The following ACOT9 variants were observed in gnomAD, a reference collection of about 807,000 sequenced individuals.
The protein encoded by ACOT9 is acyl-CoA thioesterase 9, also known as acyl-coenzyme A thioesterase 9, mitochondrial.
Under a neutral mutation model 39.7 loss-of-function variants are expected in ACOT9, and 34 were observed. The observed-to-expected ratio is 0.86, with a 90% CI of 0.65 to 1.14. ACOT9 has a LOEUF of 1.14. ACOT9 is among the 50% of genes most tolerant of loss of function. The pLI, the probability that ACOT9 is intolerant of heterozygous loss-of-function variation, is 0.00. For missense variants in ACOT9, 313 were observed against 344.1 expected, an observed-to-expected ratio of 0.91 and a Z score of 0.71; for synonymous variants, 110 against 120.5, an observed-to-expected ratio of 0.91 and a Z score of 0.57.
chrX:23,718,643 C>T (rs192113600), intron 8 of ACOT9, among the ~76,000 whole-genome samples: 1 of 111,643 alleles, frequency 9.0e-6, no homozygotes, highest in Non-Finnish European at 1.9e-5. Flanking sequence ...CGGTGGCTCA[C>T]GCCTGTAATC....
At chrX:23,734,860 G>A (rs1929878830) in intron 2 of ACOT9, among the ~76,000 whole-genome samples, 1 of 106,990 alleles carries the variant, frequency 9.3e-6, no homozygotes, top group South Asian at 4.2e-4. Flanking sequence ...GTGGGCACCT[G>A]TAATCCCAGC....
At chrX:23,725,996 C>T (rs1419637106) in intron 6 of ACOT9, among the ~76,000 whole-genome samples, 1 of 109,670 alleles carries the variant, frequency 9.1e-6, no homozygotes, top group African/African-American at 3.3e-5. Flanking sequence ...GTCAGAAGTT[C>T]GAGACCAGCC....
intron 6 of ACOT9, among the ~76,000 whole-genome samples, chrX:23,723,711 T>A (rs1426149585): frequency 9.1e-6 from 1 of 110,015 alleles, no homozygotes; most frequent in Non-Finnish European, 1.9e-5. Flanking sequence ...GATATGTGGC[T>A]CAATAAATAC....
intron 6 of ACOT9, among the ~76,000 whole-genome samples, 176 bp downstream of exon 6, chrX:23,730,351 C>A (rs1231505185): frequency 9.0e-6 from 1 of 111,102 alleles, no homozygotes; most frequent in Non-Finnish European, 1.9e-5. Context: ...CCTCAGCCTC[C>A]CAAAGTGCTG....
At chrX:23,708,621 A>G (rs1183097583) in intron 9 of ACOT9, among the ~76,000 whole-genome samples, 2 of 112,102 alleles carry the variant, frequency 1.8e-5, no homozygotes, top group East Asian at 5.5e-4. Context: ...TGGCAGAGAG[A>G]CTATTCTAAA....
chrX:23,709,522 T>C (rs1928822460), intron 9 of ACOT9, among the ~76,000 whole-genome samples: 1 of 112,511 alleles, frequency 8.9e-6, no homozygotes, highest in African/African-American at 3.2e-5. Flanking sequence ...CCACAGCAGG[T>C]CAGCTGGGGC....
At chrX:23,730,092 A>AATT (rs1929679291) in intron 6 of ACOT9, among the ~76,000 whole-genome samples, 1 of 78,500 alleles carries the variant, frequency 1.3e-5, no homozygotes. Flanking sequence ...AGTAGATGCC[A>AATT]TTTTTTTTTT....
intron 1 of ACOT9, among the ~76,000 whole-genome samples, chrX:23,738,988 T>C (rs1267406573): frequency 8.9e-6 from 1 of 112,413 alleles, no homozygotes; most frequent in Non-Finnish European, 1.9e-5. Flanking sequence ...CTGGGCGCAG[T>C]GGCTCATGCC....
intron 10 of ACOT9, among the ~76,000 whole-genome samples, chrX:23,707,505 A>G (rs1319253516): frequency 9.0e-6 from 1 of 111,674 alleles, no homozygotes; most frequent in African/African-American, 3.3e-5. Flanking sequence ...TTGGGAGGCC[A>G]AGGCAGGCGG....
intron 1 of ACOT9, among the ~76,000 whole-genome samples, chrX:23,742,213 T>TGAGAGAGAGAGA (rs1190609377): frequency 8.7e-5 from 6 of 68,872 alleles, no homozygotes; most frequent in Admixed American, 3.5e-4. Context: ...AGTGAGTGAG[T>TGAGAGAGAGAGA]GAGAGAGAGA....
chrX:23,704,555 G>C, intron 15 of ACOT9, 139 bp downstream of exon 15: 1 of 767,715 alleles, frequency 1.3e-6, no homozygotes, highest in Non-Finnish European at 1.9e-6. Flanking sequence ...CTTCAGGGCT[G>C]CCAAATCTCA....
At chrX:23,721,227 A>T (rs1318916387) in intron 8 of ACOT9, among the ~76,000 whole-genome samples, 2 of 110,379 alleles carry the variant, frequency 1.8e-5, no homozygotes, top group Non-Finnish European at 3.8e-5. Flanking sequence ...AGTAGCTGAG[A>T]TTACAGGCGT....
At chrX:23,721,115 G>A (rs764437730) in intron 8 of ACOT9, among the ~76,000 whole-genome samples, 2 of 109,760 alleles carry the variant, frequency 1.8e-5, no homozygotes, top group Admixed American at 9.9e-5. Context: ...TTTTTGAGAC[G>A]AGTCTCACTC....
intron 8 of ACOT9, among the ~76,000 whole-genome samples, chrX:23,718,903 C>G (rs1411154156): frequency 6.5e-5 from 2 of 30,780 alleles, no homozygotes; most frequent in Non-Finnish European, 1.0e-4. Flanking sequence ...AAGACTCCGT[C>G]TCAAAAAAAA....
At chrX:23,705,956 T>A in intron 11 of ACOT9, 98 bp from the exon 12 acceptor site, 1 of 770,548 alleles carries the variant, frequency 1.3e-6, no homozygotes, top group Non-Finnish European at 2.0e-6. Flanking sequence ...CTCAGACAAC[T>A]GTGGCTCTGG....
intron 1 of ACOT9, among the ~76,000 whole-genome samples, chrX:23,738,147 A>G (rs1209772055): frequency 1.8e-5 from 2 of 109,123 alleles, no homozygotes; most frequent in African/African-American, 3.3e-5. Context: ...GATTACAGGC[A>G]TGAGCCACCG....
chrX:23,734,154 C>A (rs768710420), intron 3 of ACOT9, among the ~76,000 whole-genome samples, 187 bp downstream of exon 3: 1 of 111,961 alleles, frequency 8.9e-6, no homozygotes, highest in Non-Finnish European at 1.9e-5. Flanking sequence ...TAATTAATTT[C>A]TCATATATTT....
At chrX:23,735,240 C>CAAAAA (rs35950361) in intron 2 of ACOT9, among the ~76,000 whole-genome samples, 30 of 29,163 alleles carry the variant, frequency 1.0e-3, no homozygotes, top group East Asian at 1.5e-3. Context: ...GACTCCATCC[C>CAAAAA]AAAAAAAAAA....
At chrX:23,713,105 A>C in intron 9 of ACOT9, 30 bp downstream of exon 9, 1 of 1,138,058 alleles carries the variant, frequency 8.8e-7, no homozygotes, top group Non-Finnish European at 1.2e-6. Context: ...AATTCTTCAA[A>C]ATAAAGAATT....
Sources: allele counts gnomAD v4.1 joint callset (sites outside exome capture counted in the v4.1 genomes callset), GRCh38; gene constraint gnomAD v4.1.1; transcripts MANE v1.5; gene names NCBI Gene and HGNC (gene_info 2026-07-23, HGNC 2026-07-21).